The following FAM114A1 variants were observed in gnomAD, a reference collection of about 807,000 sequenced individuals.
The protein encoded by FAM114A1 is protein NOXP20.
In FAM114A1, 62 loss-of-function variants were observed where a neutral mutation model predicts 64.3. The ratio of observed to expected loss-of-function variants is 0.96; its 90% CI spans 0.79 to 1.19. The LOEUF (loss-of-function observed/expected upper bound fraction) is 1.19. Among genes scored for constraint, FAM114A1 ranks in the 50% most tolerant of loss-of-function variants. FAM114A1 has a pLI of 0.00. For missense variants in FAM114A1, 645 were observed against 676.3 expected (o/e 0.95, Z 0.51); for synonymous variants, 254 against 251.1 (o/e 1.01, Z -0.11).
At chr4:38,923,250 A>T (rs9992586) in intron 9 of FAM114A1, among the ~76,000 whole-genome samples, 2 of 132,714 alleles carry the variant, frequency 1.5e-5, no homozygotes, top group South Asian at 4.9e-4. Context: ...TTTGAGATGG[A>T]GTCTCGCTCT....
intron 3 of FAM114A1, among the ~76,000 whole-genome samples, chr4:38,884,806 C>G (rs1715633279): frequency 6.6e-6 from 1 of 152,150 alleles, no homozygotes; most frequent in Non-Finnish European, 1.5e-5. Flanking sequence ...AAGGTTTCTT[C>G]CCTGATAGCT....
chr4:38,888,103 G>T (rs898616552), intron 3 of FAM114A1, among the ~76,000 whole-genome samples: 2 of 151,718 alleles, frequency 1.3e-5, no homozygotes, highest in African/African-American at 2.4e-5. Context: ...TGGAGTTCTG[G>T]GATTTTACTT....
chr4:38,888,232 G>T (rs945253486), intron 3 of FAM114A1, among the ~76,000 whole-genome samples: 1 of 151,662 alleles, frequency 6.6e-6, no homozygotes, highest in African/African-American at 2.4e-5. Context: ...TTTAAAGAAC[G>T]TTGAACTTGG....
At chr4:38,895,657 C>A (rs1255216935) in intron 4 of FAM114A1, among the ~76,000 whole-genome samples, 1 of 152,174 alleles carries the variant, frequency 6.6e-6, no homozygotes, top group Non-Finnish European at 1.5e-5. Flanking sequence ...TCATGCTTCA[C>A]TTAACAATGG....
At chr4:38,899,759 A>G (rs1026924801) in intron 4 of FAM114A1, among the ~76,000 whole-genome samples, 1 of 152,212 alleles carries the variant, frequency 6.6e-6, no homozygotes, top group Non-Finnish European at 1.5e-5. Flanking sequence ...TTTTCATTAA[A>G]TTTCCTACAC....
At chr4:38,883,798 G>A (rs998752378) in intron 3 of FAM114A1, among the ~76,000 whole-genome samples, 1 of 152,210 alleles carries the variant, frequency 6.6e-6, no homozygotes, top group Non-Finnish European at 1.5e-5. Context: ...AAAGGACAGA[G>A]TTCCCTACTG....
At chr4:38,914,022 C>A (rs1361367691) in intron 7 of FAM114A1, among the ~76,000 whole-genome samples, 5 of 151,986 alleles carry the variant, frequency 3.3e-5, no homozygotes, top group African/African-American at 9.6e-5. Context: ...ATCACTTGAA[C>A]CTGGGATGGG....
chr4:38,873,169 G>GC (rs1177945080), intron 2 of FAM114A1, among the ~76,000 whole-genome samples: 1 of 152,134 alleles, frequency 6.6e-6, no homozygotes, highest in African/African-American at 2.4e-5. Context: ...CCTAAACTTT[G>GC]TATACCAGCT....
chr4:38,930,281 C>T (rs769322326), intron 10 of FAM114A1, among the ~76,000 whole-genome samples: 2 of 152,174 alleles, frequency 1.3e-5, no homozygotes, highest in African/African-American at 4.8e-5. Flanking sequence ...TTTCCATTCT[C>T]TCTCTCTCTC....
At chr4:38,877,513 G>A (rs368237553) in intron 2 of FAM114A1, among the ~76,000 whole-genome samples, 93 of 152,268 alleles carry the variant, frequency 6.1e-4, no homozygotes, top group African/African-American at 1.9e-3. Flanking sequence ...GTGGTAATGC[G>A]AGCGATGGGG....
At chr4:38,877,101 G>A (rs577665452) in intron 2 of FAM114A1, among the ~76,000 whole-genome samples, 1 of 152,150 alleles carries the variant, frequency 6.6e-6, no homozygotes, top group African/African-American at 2.4e-5. Flanking sequence ...GGTTATCTTG[G>A]GGGCCATTCA....
intron 2 of FAM114A1, among the ~76,000 whole-genome samples, chr4:38,876,122 AT>A (rs35333869): frequency 0.51 from 71,877 of 142,250 alleles, 17,666 homozygotes; most frequent in Middle Eastern, 0.57. Context: ...AATGGCAAGT[AT>A]TTTTTTTGAT....
intron 4 of FAM114A1, 41 bp from the exon 5 acceptor site, chr4:38,905,481 A>T (rs1037975282): frequency 1.4e-6 from 2 of 1,428,942 alleles, no homozygotes; most frequent in Non-Finnish European, 9.8e-7. Flanking sequence ...CAGACCGTGG[A>T]TTTCTAATGT....
At chr4:38,895,410 C>T (rs1979900) in intron 4 of FAM114A1, among the ~76,000 whole-genome samples, 4,192 of 152,270 alleles carry the variant, frequency 0.028, 164 homozygotes, top group Admixed American at 0.092. Context: ...GTTTTAAAGA[C>T]GCTCCTGATT....
chr4:38,891,795 G>A lies in FAM114A1; in HGVS notation c.401G>A (p.Gly134Asp), dbSNP rs1247427454. 1 of 1,612,500 alleles carries A rather than the reference G, an allele frequency of 6.2e-7. No homozygotes were observed. The highest frequency in any genetic ancestry group is 1.3e-5 in the African/African-American group (1 of 74,992). The part of the protein sequence containing the change: ...GGGWAGWGSW[G>D]KSLLSSASAT... ...GGATGGGCAGGCTGGGGATCCTGGG[G>A]CAAATCTCTGCTGTCGTCAGCATCT... Residue 134 changes from glycine to aspartate, a missense_variant, in exon 4 of 15, where the codon GGC becomes GAC. Physicochemically the swap from Gly to Asp is moderately conservative, Grantham distance 94. Transcript: ENST00000358869.
intron 3 of FAM114A1, among the ~76,000 whole-genome samples, chr4:38,887,909 A>G (rs910358947): frequency 6.6e-6 from 1 of 152,202 alleles, no homozygotes; most frequent in Non-Finnish European, 1.5e-5. Flanking sequence ...CAAAAATTAA[A>G]AAGTGTTGAT....
At chr4:38,876,573 T>C (rs721653) in intron 2 of FAM114A1, among the ~76,000 whole-genome samples, 74,702 of 152,124 alleles carry the variant, frequency 0.49, 18,472 homozygotes, top group Middle Eastern at 0.54. Flanking sequence ...AGGCGTAGTC[T>C]TTCATGCCAA....
chr4:38,872,781 T>C (rs1467896330), intron 2 of FAM114A1, among the ~76,000 whole-genome samples: 1 of 152,272 alleles, frequency 6.6e-6, no homozygotes. Flanking sequence ...GCAGCCCATA[T>C]GGCCTGTGTT....
intron 9 of FAM114A1, among the ~76,000 whole-genome samples, chr4:38,925,415 C>CT (rs1720014045): frequency 6.6e-6 from 1 of 152,160 alleles, no homozygotes; most frequent in Non-Finnish European, 1.5e-5. Flanking sequence ...CGTAAGGAAT[C>CT]TTTGCAGTGG....
Sources: gnomAD v4.1 joint callset for allele counts (sites outside exome capture counted in the v4.1 genomes callset) on GRCh38, gnomAD v4.1.1 for gene constraint, MANE v1.5 for transcripts, NCBI Gene and HGNC (gene_info 2026-07-23, HGNC 2026-07-21) for gene names.